PAPPA2: variants seen among roughly 807,000 people sequenced by gnomAD.
PAPPA2 encodes pappalysin 2, also known as pappalysin-2.
Under a neutral mutation model 176.4 loss-of-function variants are expected in PAPPA2, and 86 were observed. That is an observed-to-expected ratio of 0.49 (90% confidence interval 0.41 to 0.58). The LOEUF is 0.58. Ranked by LOEUF, PAPPA2 falls within the 20% of genes least tolerant of loss-of-function variation. PAPPA2 has a pLI of 0.00. For synonymous variants in PAPPA2, 809 were observed against 852.2 expected, an observed-to-expected ratio of 0.95 and a Z score of 0.88; for missense variants, 2,073 against 2,256.9, an observed-to-expected ratio of 0.92 and a Z score of 1.65.
intron 1 of PAPPA2, among the ~76,000 whole-genome samples, chr1:176,487,178 A>T (rs192096648): frequency 6.7e-6 from 1 of 149,628 alleles, no homozygotes; most frequent in African/African-American, 2.5e-5. Context: ...CAAAATAAGC[A>T]ATTCTAAAAA....
In PAPPA2 at chr1:176,595,540, G is replaced by A. The variant is rs550436411; in HGVS notation, c.1936G>A (p.Asp646Asn). The A allele has an allele frequency of 9.3e-6, 15 of 1,614,146 alleles. No homozygotes were observed. Among genetic ancestry groups the A allele is most frequent in the African/African-American group, 8.0e-5 (6 of 75,050 alleles). Residue 646 changes from aspartate (D) to asparagine (N), a missense_variant, in exon 3 of 23, where the codon GAC (aspartate) becomes AAC (asparagine). Asp to Asn is a conservative substitution (Grantham distance 23). Coordinates refer to ENST00000367662, the MANE Select transcript of PAPPA2 (RefSeq NM_020318.3). ...LNDFDDGDCC[D>N]PQVADVRKTC... ...CGACTTTGACGACGGAGACTGCTGC[G>A]ACCCCCAGGTGGCTGATGTGCGCAA...
At chr1:176,613,147 C>G (rs1034036228) in intron 3 of PAPPA2, among the ~76,000 whole-genome samples, 1 of 152,158 alleles carries the variant, frequency 6.6e-6, no homozygotes, top group Non-Finnish European at 1.5e-5. Flanking sequence ...TAGCCTCTTT[C>G]CAGTCAATCT....
chr1:176,470,869 A>AT (rs10711737), intron 1 of PAPPA2, among the ~76,000 whole-genome samples: 5 of 151,174 alleles, frequency 3.3e-5, no homozygotes, highest in East Asian at 1.9e-4. Flanking sequence ...GGGTCAGTGG[A>AT]TTTTTTTTTT....
chr1:176,605,343 A>G (rs1654548367), intron 3 of PAPPA2, among the ~76,000 whole-genome samples: 1 of 152,218 alleles, frequency 6.6e-6, no homozygotes, highest in Non-Finnish European at 1.5e-5. Flanking sequence ...GCTCATGTTA[A>G]CTGCAGAAAC....
chr1:176,493,247 T>A (rs976605038), intron 1 of PAPPA2, among the ~76,000 whole-genome samples: 3 of 152,232 alleles, frequency 2.0e-5, no homozygotes, highest in African/African-American at 7.2e-5. Context: ...TTTCCTACTC[T>A]GCACCCCTGA....
intron 14 of PAPPA2, among the ~76,000 whole-genome samples, chr1:176,747,587 G>T (rs992275325): frequency 6.6e-6 from 1 of 152,184 alleles, no homozygotes; most frequent in African/African-American, 2.4e-5. Flanking sequence ...AGATTAAAGT[G>T]CATCTAACCC....
chr1:176,662,871 A>C (rs2102761022), intron 3 of PAPPA2, among the ~76,000 whole-genome samples: 1 of 152,326 alleles, frequency 6.6e-6, no homozygotes, highest in African/African-American at 2.4e-5. Context: ...GGGCTATTGC[A>C]AATACTAAAA....
intron 12 of PAPPA2, among the ~76,000 whole-genome samples, chr1:176,729,249 T>C (rs1445830579): frequency 6.6e-6 from 1 of 152,044 alleles, no homozygotes; most frequent in East Asian, 1.9e-4. Flanking sequence ...CATCCACCCT[T>C]GTCCTAATGA....
Position 176,764,534 on chromosome 1 carries a change from A to G in PAPPA2, c.4152-1132A>G, listed in dbSNP as rs113270945. Among the ~76,000 whole-genome samples the G allele has an allele frequency of 9.2e-5, 14 of 152,052 alleles. 2 individuals carry two copies. Among genetic ancestry groups the G allele is most frequent in the African/African-American group, 2.9e-4 (12 of 41,474 alleles). On this transcript the variant is annotated intron_variant, in intron 14 of 22. Transcript: ENST00000367662. ...CAGAGAGCCTGAGGCTAATGCCCTA[A>G]TTATTAACCTCTATGGTTCTGCCAT...
At chr1:176,797,632 G>A (rs1665504684) in intron 20 of PAPPA2, among the ~76,000 whole-genome samples, 1 of 151,772 alleles carries the variant, frequency 6.6e-6, no homozygotes. Context: ...GGGTGACTGA[G>A]ACTGTCTCAA....
At chr1:176,621,130 C>T (rs116484122) in intron 3 of PAPPA2, among the ~76,000 whole-genome samples, 166 of 152,262 alleles carry the variant, frequency 1.1e-3, no homozygotes, top group African/African-American at 3.9e-3. Context: ...CTAATATATT[C>T]ATAACAGGTA....
intron 1 of PAPPA2, among the ~76,000 whole-genome samples, chr1:176,527,231 A>G (rs994723900): frequency 1.3e-5 from 2 of 152,232 alleles, no homozygotes; most frequent in Non-Finnish European, 2.9e-5. Flanking sequence ...CCAGAAAGCC[A>G]GTGGATGCCA....
At chr1:176,802,173 G>A (rs1256965679) in intron 21 of PAPPA2, among the ~76,000 whole-genome samples, 1 of 152,082 alleles carries the variant, frequency 6.6e-6, no homozygotes, top group Non-Finnish European at 1.5e-5. Flanking sequence ...TAATACTTGA[G>A]AACCACCGCC....
At chr1:176,512,067 G>T (rs1423532014) in intron 1 of PAPPA2, among the ~76,000 whole-genome samples, 2 of 151,706 alleles carry the variant, frequency 1.3e-5, no homozygotes, top group African/African-American at 4.8e-5. Flanking sequence ...GAATAAAAAG[G>T]ACCTCCCCAA....
intron 1 of PAPPA2, among the ~76,000 whole-genome samples, chr1:176,516,250 G>A (rs974199961): frequency 3.3e-5 from 5 of 151,448 alleles, no homozygotes; most frequent in Admixed American, 1.3e-4. Flanking sequence ...TCTGTCCTCG[G>A]AGTCAAATGA....
At chr1:176,690,703 G>A (rs1448622235) in intron 5 of PAPPA2, 3 of 1,248,908 alleles carry the variant, frequency 2.4e-6, no homozygotes, top group Non-Finnish European at 3.0e-6. Flanking sequence ...AAGGCACAGA[G>A]CCAAAAGCCC....
At chr1:176,782,393 A>G (rs1461808522) in intron 17 of PAPPA2, among the ~76,000 whole-genome samples, 1 of 152,206 alleles carries the variant, frequency 6.6e-6, no homozygotes, top group African/African-American at 2.4e-5. Context: ...AATACACAAA[A>G]TAATTCAGGG....
chr1:176,495,597 C>G (rs1282375839), intron 1 of PAPPA2, among the ~76,000 whole-genome samples: 1 of 151,098 alleles, frequency 6.6e-6, no homozygotes, highest in Non-Finnish European at 1.5e-5. Context: ...AGGATGGTGA[C>G]TAGGATGTGC....
chr1:176,714,520 G>T (rs1006682971), intron 12 of PAPPA2, among the ~76,000 whole-genome samples: 1 of 151,972 alleles, frequency 6.6e-6, no homozygotes, highest in African/African-American at 2.4e-5. Flanking sequence ...AACTACTTGG[G>T]TACACCTCTC....
Sources: gnomAD v4.1 joint callset for allele counts (sites outside exome capture counted in the v4.1 genomes callset) on GRCh38, gnomAD v4.1.1 for gene constraint, MANE v1.5 for transcripts, NCBI Gene and HGNC (gene_info 2026-07-23, HGNC 2026-07-21) for gene names.